The following FGF13 variants were observed in gnomAD, a reference collection of about 807,000 sequenced individuals.
FGF13 encodes fibroblast growth factor 13.
In FGF13, 2 loss-of-function variants were observed where a neutral mutation model predicts 19.5. The observed-to-expected ratio is 0.10, with a 90% CI of 0.04 to 0.32. FGF13 has a LOEUF of 0.32. FGF13 is among the 10% of genes least tolerant of loss of function. FGF13 has a pLI of 1.00. For missense variants in FGF13, 113 were observed against 192.7 expected (o/e 0.59, Z 2.45); for synonymous variants, 72 against 76.9 (o/e 0.94, Z 0.33).
At chrX:138,836,504 T>C (rs1386886633) in intron 3 of FGF13, among the ~76,000 whole-genome samples, 2 of 112,263 alleles carry the variant, frequency 1.8e-5, no homozygotes, top group East Asian at 2.8e-4. Context: ...GACTGCATTA[T>C]GAAAGTCTTG....
chrX:138,843,929 G>C lies in FGF13; in HGVS notation c.217+13583C>G, dbSNP rs981688829. Among the ~76,000 whole-genome samples, 8 of 111,329 alleles carry C rather than the reference G, an allele frequency of 7.2e-5. No individual in the cohort carries two copies. The Admixed American group carries it at 7.6e-4, about 11-fold the overall frequency. On this transcript the variant is annotated intron_variant, in intron 3 of 6. Coordinates refer to the FGF13 transcript ENST00000436198. ...GCATAGGAAGTTATCATTTCCTTAG[G>C]ATCAACATTCACAAATCCTAGATAA...
chrX:138,819,902 G>GA (rs1168232391), intron 3 of FGF13, among the ~76,000 whole-genome samples: 1 of 111,570 alleles, frequency 9.0e-6, no homozygotes, highest in Admixed American at 9.6e-5. Context: ...TGAAGATTCA[G>GA]AAAAAAACAA....
chrX:139,052,692 A>T (rs2092306286), intron 1 of FGF13, among the ~76,000 whole-genome samples: 1 of 111,682 alleles, frequency 9.0e-6, no homozygotes, highest in South Asian at 3.8e-4. Flanking sequence ...TTGGCCCTCC[A>T]TTCGAAAGTC....
chrX:138,840,039 T>C (rs981091761), intron 3 of FGF13, among the ~76,000 whole-genome samples: 2 of 111,851 alleles, frequency 1.8e-5, no homozygotes, highest in Non-Finnish European at 3.8e-5. Context: ...GTGTTGCTGC[T>C]CTTAATCCAA....
intron 1 of FGF13, among the ~76,000 whole-genome samples, chrX:139,134,969 CT>C (rs1381507895): frequency 9.0e-6 from 1 of 111,692 alleles, no homozygotes; most frequent in Non-Finnish European, 1.9e-5. Flanking sequence ...CTTCTGAGGT[CT>C]CTTCCTCCTT....
chrX:139,202,881 G>A (rs1397415238), intron 1 of FGF13, among the ~76,000 whole-genome samples: 1 of 111,446 alleles, frequency 9.0e-6, no homozygotes, highest in Non-Finnish European at 1.9e-5. Context: ...GGCGTGGGTC[G>A]CTGCGGTCCA....
rs185243767 is a variant in FGF13 at position 138,928,575 on chromosome X, C to T, written c.-112-63925G>A. Among the ~76,000 whole-genome samples the T allele has an allele frequency of 3.4e-3, 379 of 110,866 alleles. 1 individual carries two copies. Among genetic ancestry groups the T allele is most frequent in the African/African-American group, 0.012 (362 of 30,465 alleles). ...GGGTGCCCTCACATCCCAGGAATCT[C>T]CCAATCCCCAGAGGGCAGCATAATC... On this transcript the variant is annotated intron_variant, in intron 1 of 2. Transcript: ENST00000421460.
At chrX:138,985,427 C>T (rs926266868) in intron 1 of FGF13, among the ~76,000 whole-genome samples, 6 of 111,960 alleles carry the variant, frequency 5.4e-5, no homozygotes, top group Admixed American at 9.5e-5. Flanking sequence ...TCCTGTTAAA[C>T]AGGATGGAGT....
chrX:139,171,776 T>C (rs1203896049), intron 1 of FGF13, among the ~76,000 whole-genome samples: 1 of 112,301 alleles, frequency 8.9e-6, no homozygotes, highest in Non-Finnish European at 1.9e-5. Flanking sequence ...CTAATTGTTT[T>C]CTTTTCAATG....
chrX:138,963,001 CA>C (rs1035719044), intron 1 of FGF13, among the ~76,000 whole-genome samples: 4 of 109,598 alleles, frequency 3.6e-5, no homozygotes, highest in Non-Finnish European at 7.6e-5. Context: ...TAATAAAAAA[CA>C]AAAAAGAAAA....
chrX:139,138,819 A>G (rs373797055), intron 1 of FGF13, among the ~76,000 whole-genome samples: 2 of 111,690 alleles, frequency 1.8e-5, no homozygotes, highest in South Asian at 3.8e-4. Flanking sequence ...AGGATGTCCA[A>G]TGACTTGCCA....
chrX:139,017,255 T>A (rs2092157869), intron 1 of FGF13, among the ~76,000 whole-genome samples: 1 of 108,393 alleles, frequency 9.2e-6, no homozygotes, highest in South Asian at 4.0e-4. Flanking sequence ...AAGTCCAGAA[T>A]AAATCTATGT....
intron 1 of FGF13, among the ~76,000 whole-genome samples, chrX:139,178,012 C>T (rs1426118632): frequency 8.9e-6 from 1 of 112,213 alleles, no homozygotes; most frequent in Non-Finnish European, 1.9e-5. Context: ...ACGTCCCACC[C>T]TGCTTCAGCT....
At chrX:138,985,452 C>T (rs986366648) in intron 1 of FGF13, among the ~76,000 whole-genome samples, 26 of 111,850 alleles carry the variant, frequency 2.3e-4, no homozygotes, top group African/African-American at 7.5e-4. Flanking sequence ...TGTGACAACA[C>T]CTCTTCAATC....
chrX:138,767,665 C>G (rs1227369867), intron 3 of FGF13, among the ~76,000 whole-genome samples: 1 of 111,945 alleles, frequency 8.9e-6, no homozygotes, highest in Non-Finnish European at 1.9e-5. Flanking sequence ...CTTGGTGAAG[C>G]TATGGAGTGT....
At chrX:138,714,661 G>GCGCACA (rs767582261), upstream of FGF13, 6 of 110,073 alleles carry the variant, frequency 5.5e-5, no homozygotes, top group African/African-American at 2.0e-4. Flanking sequence ...ACACGCGCGC[G>GCGCACA]CACACACACA....
intron 1 of FGF13, among the ~76,000 whole-genome samples, chrX:139,027,088 A>G (rs915743051): frequency 1.8e-5 from 2 of 112,117 alleles, no homozygotes; most frequent in Non-Finnish European, 3.8e-5. Flanking sequence ...AGTAGTGCCC[A>G]AGGCAATCAC....
chrX:139,159,002 G>GTATA, intron 1 of FGF13, among the ~76,000 whole-genome samples: 1 of 111,284 alleles, frequency 9.0e-6, no homozygotes, highest in Non-Finnish European at 1.9e-5. Flanking sequence ...TCCTCGAGAA[G>GTATA]AGCAACCCCA....
intron 1 of FGF13, among the ~76,000 whole-genome samples, chrX:139,159,590 C>T (rs1440256352): frequency 8.9e-5 from 9 of 101,064 alleles, no homozygotes; most frequent in African/African-American, 3.1e-4. Flanking sequence ...ACTCATCTCA[C>T]GTGCAAAGAC....
Sources: allele counts gnomAD v4.1 joint callset (sites outside exome capture counted in the v4.1 genomes callset), GRCh38; gene constraint gnomAD v4.1.1; transcripts MANE v1.5; gene names NCBI Gene and HGNC (gene_info 2026-07-23, HGNC 2026-07-21).